NFE2L3: variants seen among roughly 807,000 people sequenced by gnomAD.
NFE2L3 encodes the protein nuclear factor erythroid 2-related factor 3.
A neutral mutation model predicts 23.5 loss-of-function variants in NFE2L3; 18 were observed. The observed-to-expected ratio is 0.77, with a 90% CI of 0.53 to 1.13. The LOEUF (loss-of-function observed/expected upper bound fraction) is 1.13. Ranked by LOEUF, NFE2L3 falls within the 50% of genes most tolerant of loss-of-function variation. The pLI, the probability that NFE2L3 is intolerant of heterozygous loss-of-function variation, is 0.00. For synonymous variants in NFE2L3, 424 were observed against 354.5 expected (o/e 1.20, Z -2.20); for missense variants, 1,152 against 877.2 (o/e 1.31, Z -3.96).
chr7:26,177,883 T>C (rs1301802277), intron 1 of NFE2L3, 60 bp from the exon 2 acceptor site: 4 of 1,442,102 alleles, frequency 2.8e-6, no homozygotes, highest in African/African-American at 1.4e-5. Flanking sequence ...CCCTGAACAA[T>C]AAGCACAATG....
chr7:26,183,820 A>G (rs376993725), intron 3 of NFE2L3, 36 bp downstream of exon 3: 49 of 1,319,748 alleles, frequency 3.7e-5, no homozygotes, highest in Non-Finnish European at 5.3e-5. Context: ...TCGCAGGAAC[A>G]TATCTGCACT....
chr7:26,171,007 G>C lies in NFE2L3; in HGVS notation c.571-6936G>C, dbSNP rs1317705716. Among the ~76,000 whole-genome samples, 3 of 152,190 alleles carry C rather than the reference G, an allele frequency of 2.0e-5. No individual in the cohort carries two copies. The East Asian group carries it at 5.8e-4, about 29-fold the overall frequency. On this transcript the variant is annotated intron_variant, in intron 1 of 3. Transcript: ENST00000056233. ...GCCCAAGAGTTTGAGGCTGCAGTAA[G>C]CCATGATCACCAGTTTTCATCTATC...
chr7:26,152,551 C>A lies in NFE2L3; in HGVS notation c.53C>A (p.Thr18Asn). Residue 18 changes from threonine to asparagine, a missense_variant, in exon 1 of 4, where the codon ACC (threonine) becomes AAC (asparagine). By Grantham distance (65) the Thr-to-Asn change is moderately conservative (BLOSUM62 0). Coordinates refer to ENST00000056233, the MANE Select transcript of NFE2L3 (RefSeq NM_004289.7). This position sits in a 1 kb window ranked among gnomAD's most constrained non-coding sequence, Gnocchi z 4.4. ...GCCGGCGGCGGCCTCCTGCACCTCA[C>A]CCTCCTGCTGAGCTTGGCGGGGCTC... Reference protein sequence around the residue: ...WSAGGGLLHLTLLLSLAGLRV... With the variant: ...WSAGGGLLHLNLLLSLAGLRV... The A allele has an allele frequency of 6.6e-7, 1 of 1,509,328 alleles. No individual in the cohort carries two copies. Among genetic ancestry groups the A allele is most frequent in the Non-Finnish European group, 8.8e-7 (1 of 1,136,040 alleles). The allele number at this position is 1,509,328 out of a possible 1,614,324, so 93.5% of individuals were successfully genotyped here. A position where few individuals can be genotyped will look rare whatever the true frequency, so the allele number is the denominator to read the frequency against.
intron 1 of NFE2L3, among the ~76,000 whole-genome samples, chr7:26,177,661 T>A (rs1400486464): frequency 1.3e-5 from 2 of 152,226 alleles, no homozygotes; most frequent in East Asian, 3.8e-4. Context: ...TAAAACTGCC[T>A]GCTGGCAACA....
In NFE2L3 at chr7:26,185,558, TAAGA is replaced by T. The variant is rs747447312; in HGVS notation, c.1861_1864del (p.Lys621GlufsTer12). The T allele has an allele frequency of 1.8e-4, 287 of 1,613,742 alleles. 1 individual carries two copies. The highest frequency in any genetic ancestry group is 3.4e-4 in the South Asian group (31 of 91,064). On this transcript the variant is annotated frameshift_variant, in exon 4 of 4. Coordinates refer to ENST00000056233, the MANE Select transcript of NFE2L3 (RefSeq NM_004289.7). LOFTEE classifies it low-confidence loss of function (END_TRUNC). ...ACTTGCAAGCAAAGAAGGAAACTCTTAAGAGAGAGCAAGCACAATGTAACAAAGC... is the reference window on the plus strand; with the variant it reads ...ACTTGCAAGCAAAGAAGGAAACTCTTGAGAGCAAGCACAATGTAACAAAGC...
intron 1 of NFE2L3, among the ~76,000 whole-genome samples, chr7:26,161,906 G>A (rs1009245885): frequency 6.6e-6 from 1 of 152,128 alleles, no homozygotes; most frequent in African/African-American, 2.4e-5. Flanking sequence ...ACTTTGGGAG[G>A]CCAAGACAGG....
intron 1 of NFE2L3, among the ~76,000 whole-genome samples, chr7:26,176,243 C>G (rs1481491733): frequency 6.6e-6 from 1 of 152,174 alleles, no homozygotes; most frequent in East Asian, 1.9e-4. Flanking sequence ...AAAATGGAGT[C>G]TCCTGTGTCT....
intron 1 of NFE2L3, among the ~76,000 whole-genome samples, chr7:26,160,077 C>T (rs994535586): frequency 5.3e-5 from 8 of 151,680 alleles, no homozygotes; most frequent in Non-Finnish European, 8.8e-5. Context: ...CCTTAGTCTC[C>T]CAAGTGGCTG....
chr7:26,180,937 T>A lies in NFE2L3; in HGVS notation c.751-2764T>A, dbSNP rs1157986306. 3.3e-5 allele frequency among the ~76,000 whole-genome samples: 5 copies of A among 152,172 alleles called. No homozygotes were observed. In the South Asian group the frequency reaches 8.3e-4, roughly 25 times the overall value. ...TATCTCCATGTTCCTAGCCTGAGCA[T>A]TTACGTCACATCTTCGTGTACTTAA... is the stretch of plus-strand genomic sequence containing the variant. On this transcript the variant is annotated intron_variant, in intron 2 of 3. Transcript: ENST00000056233.
At chr7:26,155,105 T>C (rs577043789) in intron 1 of NFE2L3, among the ~76,000 whole-genome samples, 1 of 152,300 alleles carries the variant, frequency 6.6e-6, no homozygotes, top group South Asian at 2.1e-4. Context: ...TACATCAACC[T>C]TGTGTGGTGC....
intron 2 of NFE2L3, among the ~76,000 whole-genome samples, chr7:26,178,815 A>G (rs1784459483): frequency 6.6e-6 from 1 of 152,050 alleles, no homozygotes; most frequent in African/African-American, 2.4e-5. Flanking sequence ...CACTCGAGAT[A>G]TTTAATAACC....
Position 26,153,068 on chromosome 7 carries a change from GGTAGGTGCAGAGCGGGAAGCGAGCGAA to G in NFE2L3, c.570+3_570+29del, listed in dbSNP as rs1784024378. On this transcript the variant is annotated splice_donor_variant and splice_donor_5th_base_variant and intron_variant, in intron 1 of 3. Transcript: ENST00000056233. LOFTEE classifies it high-confidence loss of function. ...CGGACGCTGGCGGATGTGCGAGCGA[GGTAGGTGCAGAGCGGGAAGCGAGCGAA>G]GTGCGGCGTCTACGCCGCCGGGAGC... 1 of 1,526,210 alleles carries G rather than the reference GGTAGGTGCAGAGCGGGAAGCGAGCGAA, an allele frequency of 6.6e-7. No individual in the cohort carries two copies. The highest frequency in any genetic ancestry group is 8.8e-7 in the Non-Finnish European group (1 of 1,140,592). 94.5% of individuals were successfully genotyped at this position (1,526,210 alleles called of 1,614,324 possible).
chr7:26,154,498 A>G (rs1784051765), intron 1 of NFE2L3, among the ~76,000 whole-genome samples: 4 of 152,200 alleles, frequency 2.6e-5, no homozygotes, highest in South Asian at 4.2e-4. Context: ...GTCCTCGGAA[A>G]CTTCCCTCCC....
At chr7:26,155,463 G>C (rs1437596854) in intron 1 of NFE2L3, among the ~76,000 whole-genome samples, 3 of 152,048 alleles carry the variant, frequency 2.0e-5, no homozygotes, top group African/African-American at 4.8e-5. Flanking sequence ...AAATGAAGAA[G>C]AAGAAGAAAA....
Position 26,185,226 on chromosome 7 carries a change from A to G in NFE2L3, c.1528A>G (p.Thr510Ala). ...CTTACAGCCAACTGCACCAGAATCT[A>G]CTTCTGAACCTTTTCCGTGGCCTGG... ...YHLQPTAPES[T>A]SEPFPWPGKS... Residue 510 changes from threonine (T) to alanine (A), a missense_variant, in exon 4 of 4, where the codon ACT becomes GCT. Thr to Ala is a moderately conservative substitution (Grantham distance 58). Transcript: ENST00000056233. 1 of 1,613,976 alleles carries G rather than the reference A, an allele frequency of 6.2e-7. No homozygotes were observed. The highest frequency in any genetic ancestry group is 1.1e-5 in the South Asian group (1 of 91,068).
chr7:26,183,188 G>A (rs1782367160), intron 2 of NFE2L3, among the ~76,000 whole-genome samples: 2 of 152,182 alleles, frequency 1.3e-5, no homozygotes, highest in South Asian at 2.1e-4. Flanking sequence ...GTTGTTTATG[G>A]TAGGAATAGA....
At chr7:26,174,048 T>A (rs747645782) in intron 1 of NFE2L3, 1 of 152,212 alleles carries the variant, frequency 6.6e-6, no homozygotes, top group Non-Finnish European at 1.5e-5. Flanking sequence ...TTGAGAGAGC[T>A]TACAGGCAGA....
intron 1 of NFE2L3, among the ~76,000 whole-genome samples, chr7:26,170,161 G>A (rs940171752): frequency 2.0e-5 from 3 of 152,134 alleles, no homozygotes; most frequent in African/African-American, 7.2e-5. Flanking sequence ...GAGTGTCAGA[G>A]CTGGAAGGGG....
In NFE2L3 at chr7:26,184,777, A is replaced by G; in HGVS notation, c.1079A>G (p.Asn360Ser). 1 of 1,613,944 alleles carries G rather than the reference A, an allele frequency of 6.2e-7. No homozygotes were observed. The highest frequency in any genetic ancestry group is 8.5e-7 in the Non-Finnish European group (1 of 1,179,838). ...TNPEQTLPGT[N>S]LTGFLSPVDN... ...CCTGAGCAAACCCTTCCTGGAACTA[A>G]TTTGACAGGATTTCTTTCACCGGTT... The change falls in exon 4 of 4, where the codon AAT (asparagine) becomes AGT (serine). Residue 360 changes from asparagine to serine, a missense_variant. By Grantham distance (46) the Asn-to-Ser change is conservative. Transcript: ENST00000056233.
Sources: allele counts gnomAD v4.1 joint callset (sites outside exome capture counted in the v4.1 genomes callset), GRCh38; gene constraint gnomAD v4.1.1; non-coding constraint Gnocchi (gnomAD v3.1); transcripts MANE v1.5; gene names NCBI Gene and HGNC (gene_info 2026-07-23, HGNC 2026-07-21).